Variants in STIL observed in about 807,000 individuals in gnomAD.
STIL encodes the protein STIL centriolar assembly protein.
Under a neutral mutation model 110.1 loss-of-function variants are expected in STIL, and 55 were observed. The ratio of observed to expected loss-of-function variants is 0.50; its 90% CI spans 0.40 to 0.63. STIL has a LOEUF of 0.63. Among genes scored for constraint, STIL ranks in the 20% least tolerant of loss-of-function variants. The pLI is 0.00. For missense variants in STIL, 1,358 were observed against 1,530.0 expected (o/e 0.89, Z 1.87); for synonymous variants, 481 against 530.0 (o/e 0.91, Z 1.27).
In STIL at chr1:47,264,908, A is replaced by C. The variant is rs185126986; in HGVS notation, c.2616-1792T>G. On this transcript the variant is annotated intron_variant, in intron 14 of 16. Transcript: ENST00000371877. ...AGCAATTAACTTCATTCTATCAATT[A>C]ACTCAGATCTGTTTCTAAAGTTAAA... is the stretch of plus-strand genomic sequence containing the variant. 2.8e-3 allele frequency among the ~76,000 whole-genome samples: 406 copies of C among 147,340 alleles called. 2 individuals carry two copies. Among genetic ancestry groups the C allele is most frequent in the African/African-American group, 9.6e-3 (383 of 40,012 alleles).
intron 10 of STIL, among the ~76,000 whole-genome samples, chr1:47,287,301 C>T (rs1177340444): frequency 6.6e-6 from 1 of 152,076 alleles, no homozygotes; most frequent in African/African-American, 2.4e-5. Context: ...AATTTTTTGA[C>T]AAATACTTTT....
At chr1:47,295,716 C>T (rs1340915488) in intron 7 of STIL, 49 bp downstream of exon 7, 4 of 1,246,812 alleles carry the variant, frequency 3.2e-6, no homozygotes, top group East Asian at 2.3e-5. Context: ...TTATCATATA[C>T]ATTTGAACAT....
chr1:47,295,851 A>G lies in STIL; in HGVS notation c.702-3T>C. On this transcript the variant is annotated splice_polypyrimidine_tract_variant and splice_region_variant and intron_variant, in intron 6 of 16. Transcript: ENST00000371877. ...GTGTTTCATCCATGGTAAGATATCTAAACAGAAGACATTCATGTGAAAATA... is the reference window on the plus strand; with the variant it reads ...GTGTTTCATCCATGGTAAGATATCTGAACAGAAGACATTCATGTGAAAATA... 6.2e-7 allele frequency: 1 copy of G among 1,603,412 alleles called. No individual in the cohort carries two copies.
chr1:47,284,746 C>T (rs1259821388), intron 10 of STIL, among the ~76,000 whole-genome samples: 2 of 151,890 alleles, frequency 1.3e-5, no homozygotes, highest in Admixed American at 6.6e-5. Flanking sequence ...AAAAATTAGC[C>T]GGGCGTGGTG....
In STIL at chr1:47,263,386, T is replaced by C. The variant is rs544984394; in HGVS notation, c.2616-270A>G. ...ATCGAGACCCCATCTCCACAAAAAA[T>C]TTGTTTTAATTAGCTGGGTGTGACA... On this transcript the variant is annotated intron_variant, in intron 14 of 16. Transcript: ENST00000371877. 3.3e-5 allele frequency among the ~76,000 whole-genome samples: 5 copies of C among 152,180 alleles called. No individual in the cohort carries two copies. The East Asian group carries it at 9.7e-4, about 29-fold the overall frequency.
chr1:47,293,620 CA>C, intron 7 of STIL, 76 bp from the exon 8 acceptor site: 2 of 1,228,518 alleles, frequency 1.6e-6, no homozygotes, highest in South Asian at 2.5e-5. Flanking sequence ...CCTAAGATAA[CA>C]AAGTAGACGT....
chr1:47,277,643 G>A (rs1221684927), intron 12 of STIL, among the ~76,000 whole-genome samples: 1 of 152,110 alleles, frequency 6.6e-6, no homozygotes, highest in East Asian at 1.9e-4. Context: ...CAGAGCCTGG[G>A]TTTGTGACTC....
intron 12 of STIL, among the ~76,000 whole-genome samples, chr1:47,278,362 A>C (rs1645049641): frequency 6.6e-6 from 1 of 152,102 alleles, no homozygotes; most frequent in Non-Finnish European, 1.5e-5. Flanking sequence ...CTAAAAATTT[A>C]AGTTCATATA....
intron 2 of STIL, among the ~76,000 whole-genome samples, chr1:47,307,869 C>T (rs536910209): frequency 1.3e-5 from 2 of 152,332 alleles, no homozygotes; most frequent in South Asian, 2.1e-4. Context: ...CTGGCCCCCC[C>T]GGGGCGTACC....
At chr1:47,305,818 C>T (rs1039447666) in intron 2 of STIL, among the ~76,000 whole-genome samples, 7 of 148,072 alleles carry the variant, frequency 4.7e-5, no homozygotes, top group Admixed American at 4.1e-4. Context: ...CTGCAACCTC[C>T]GCCTCTGGGT....
Position 47,276,415 on chromosome 1 carries a change from CAT to C in STIL, c.2217+3824_2217+3825del, listed in dbSNP as rs200792762. On this transcript the variant is annotated intron_variant, in intron 12 of 16. Coordinates refer to ENST00000371877, the MANE Select transcript of STIL (RefSeq NM_001048166.1). Reference sequence around the variant, plus strand: ...CCACACGCATATGCATATACATATACATATATATATATATGAATGATAAAGGA... The same window carrying C: ...CCACACGCATATGCATATACATATACATATATATATATGAATGATAAAGGA... 8.0e-3 allele frequency among the ~76,000 whole-genome samples: 1,204 copies of C among 150,560 alleles called. 13 individuals carry two copies. Among genetic ancestry groups the C allele is most frequent in the African/African-American group, 0.027 (1,104 of 41,078 alleles).
chr1:47,276,490 CAT>C (rs896024626), intron 12 of STIL, among the ~76,000 whole-genome samples: 2 of 151,660 alleles, frequency 1.3e-5, no homozygotes, highest in African/African-American at 4.8e-5. Context: ...TAATCAATTA[CAT>C]ATGTTAATAT....
At chr1:47,305,794 G>A (rs944673756) in intron 2 of STIL, among the ~76,000 whole-genome samples, 3 of 135,734 alleles carry the variant, frequency 2.2e-5, no homozygotes, top group East Asian at 4.8e-4. Context: ...GTGCAATGGC[G>A]TGATCTCAGC....
chr1:47,270,197 T>A (rs1161052521), intron 13 of STIL, among the ~76,000 whole-genome samples: 1 of 144,750 alleles, frequency 6.9e-6, no homozygotes, highest in Non-Finnish European at 1.5e-5. Context: ...GTGATTGTGC[T>A]ACTGCATTCC....
At position 47,301,541 on chromosome 1, in the gene STIL, A is replaced by T. The variant is rs771897812; in HGVS notation, c.453+20T>A. 1.2e-5 allele frequency: 19 copies of T among 1,606,614 alleles called. No individual in the cohort carries two copies. In the East Asian group the frequency reaches 3.6e-4, roughly 30 times the overall value. ...TGATTCTTGTGTTGAATTAACTATC[A>T]AGTTGTCAATGAATCGCACCTTTAA... On this transcript the variant is annotated intron_variant, in intron 5 of 16. Transcript: ENST00000371877.
chr1:47,280,419 A>G lies in STIL; in HGVS notation c.2039T>C (p.Ile680Thr), dbSNP rs755875577. 3.7e-6 allele frequency: 6 copies of G among 1,614,232 alleles called. No homozygotes were observed. The highest frequency in any genetic ancestry group is 1.7e-5 in the Admixed American group (1 of 60,030). ...CGGTCTTGCCACAGGCGATGGTTCA[A>G]TATTGCTGTGGGGAGAACAACTGCC... is the stretch of plus-strand genomic sequence containing the variant. ...DMGSCSPHSN[I>T]EPSPVARPPS... The change falls in exon 12 of 17, where the codon ATT becomes ACT. Residue 680 changes from isoleucine to threonine, a missense_variant. Ile to Thr is a moderately conservative substitution (Grantham distance 89). Transcript: ENST00000371877.
At chr1:47,267,311 T>C (rs1644681627) in intron 14 of STIL, among the ~76,000 whole-genome samples, 1 of 152,222 alleles carries the variant, frequency 6.6e-6, no homozygotes, top group Non-Finnish European at 1.5e-5. Context: ...GTTAGGAGCT[T>C]TGCCTAACCT....
chr1:47,260,525 G>A lies in STIL; in HGVS notation c.2844C>T (p.His948=). 1.2e-6 allele frequency: 2 copies of A among 1,614,062 alleles called. No individual in the cohort carries two copies. Among genetic ancestry groups the A allele is most frequent in the South Asian group, 2.2e-5 (2 of 91,074 alleles). The change falls in exon 16 of 17, where the codon CAC becomes CAT. Residue 948 remains histidine, a synonymous_variant. Coordinates refer to ENST00000371877, the MANE Select transcript of STIL (RefSeq NM_001048166.1). ...IYQDLLGQVN[H]LLNSSSKETE... The stretch of plus-strand genomic sequence containing the variant: ...TTTCCTTGGAGGAACTATTTAATAG[G>A]TGGTTTACTTGACCCTGACAAAAAG...
At chr1:47,314,395 C>A (rs985910532), upstream of STIL, among the ~76,000 whole-genome samples, 6 of 152,208 alleles carry the variant, frequency 3.9e-5, no homozygotes, top group South Asian at 1.2e-3. Flanking sequence ...CCTTTCATTT[C>A]GTCAACGGTT....
Sources: gnomAD v4.1 joint callset for allele counts (sites outside exome capture counted in the v4.1 genomes callset) on GRCh38, gnomAD v4.1.1 for gene constraint, MANE v1.5 for transcripts, NCBI Gene and HGNC (gene_info 2026-07-23, HGNC 2026-07-21) for gene names.